The following DIS3L2 variants were observed in gnomAD, a reference collection of about 807,000 sequenced individuals.
DIS3L2 encodes the protein DIS3 like 3'-5' exoribonuclease 2, also known as DIS3-like exonuclease 2.
DIS3L2 carries 34 observed loss-of-function variants against 97.5 expected under a neutral mutation model. The ratio of observed to expected loss-of-function variants is 0.35; its 90% CI spans 0.27 to 0.46. The LOEUF (loss-of-function observed/expected upper bound fraction) is 0.46, where lower values mean the gene tolerates loss of function less well. Ranked by LOEUF, DIS3L2 falls within the 20% of genes least tolerant of loss-of-function variation. The pLI, the probability that DIS3L2 is intolerant of heterozygous loss-of-function variation, is 1.00. For missense variants in DIS3L2, 1,038 were observed against 1,146.0 expected (o/e 0.91, Z 1.36); for synonymous variants, 435 against 445.2 (o/e 0.98, Z 0.29).
intron 6 of DIS3L2, among the ~76,000 whole-genome samples, chr2:232,091,227 T>C (rs1256537712): frequency 6.6e-6 from 1 of 152,326 alleles, no homozygotes; most frequent in East Asian, 1.9e-4. Context: ...TCAGCTGTTG[T>C]GCTAGGAAAT....
intron 6 of DIS3L2, among the ~76,000 whole-genome samples, chr2:232,090,353 A>T (rs1388372748): frequency 6.6e-6 from 1 of 152,078 alleles, no homozygotes; most frequent in African/African-American, 2.4e-5. Flanking sequence ...TTACTTCCTT[A>T]GTAGCCCTGA....
intron 1 of DIS3L2, among the ~76,000 whole-genome samples, chr2:232,000,658 C>CTTTCCTTTCCTTTCCTTTCT: frequency 7.3e-6 from 1 of 137,652 alleles, no homozygotes; most frequent in Non-Finnish European, 1.6e-5. Flanking sequence ...CTTTCCTTTC[C>CTTTCCTTTCCTTTCCTTTCT]TTTCTCTTTC....
intron 12 of DIS3L2, among the ~76,000 whole-genome samples, chr2:232,251,936 A>C (rs1693429509): frequency 6.6e-6 from 1 of 152,222 alleles, no homozygotes; most frequent in African/African-American, 2.4e-5. Context: ...TGCTTCACCA[A>C]AATGAAGGAG....
intron 6 of DIS3L2, among the ~76,000 whole-genome samples, chr2:232,121,244 C>T (rs1008561911): frequency 1.3e-5 from 2 of 152,204 alleles, no homozygotes; most frequent in South Asian, 4.1e-4. Context: ...ACTACACTTT[C>T]CCTATTGAAA....
chr2:232,012,811 G>T (rs1413106778), intron 1 of DIS3L2, among the ~76,000 whole-genome samples: 1 of 152,182 alleles, frequency 6.6e-6, no homozygotes, highest in African/African-American at 2.4e-5. Flanking sequence ...GGAAGGGAAT[G>T]TTGCTTGTTC....
intron 9 of DIS3L2, among the ~76,000 whole-genome samples, chr2:232,200,798 T>C (rs1195938617): frequency 6.6e-6 from 1 of 151,012 alleles, no homozygotes; most frequent in African/African-American, 2.4e-5. Flanking sequence ...TTTTTTTTTT[T>C]TTTTGAGATG....
rs753629845 is a variant in DIS3L2, at chr2:232,336,415, G to A, written c.2497-54G>A. 1.8e-5 allele frequency: 29 copies of A among 1,570,488 alleles called. No homozygotes were observed. The Admixed American group carries it at 2.2e-4, about 12-fold the overall frequency. The stretch of plus-strand genomic sequence containing the variant: ...GCTGCAGGGATGGAGGCAGAGCTGC[G>A]CCTCGACATCAGGCCCTGCCATCCT... On this transcript the variant is annotated intron_variant, in intron 20 of 20. Coordinates refer to ENST00000325385, the MANE Select transcript of DIS3L2 (RefSeq NM_152383.5).
intron 9 of DIS3L2, 103 bp from the exon 10 acceptor site, chr2:232,210,223 C>T: frequency 1.1e-6 from 1 of 871,898 alleles, no homozygotes; most frequent in Non-Finnish European, 1.9e-6. Flanking sequence ...CTTTCCCTAA[C>T]AGAGCACATA....
chr2:232,187,939 C>G (rs1691492587), intron 9 of DIS3L2, among the ~76,000 whole-genome samples: 1 of 152,034 alleles, frequency 6.6e-6, no homozygotes. Flanking sequence ...GAGTTGGAGA[C>G]CAGCCTGGCC....
At chr2:232,330,052 C>A in intron 15 of DIS3L2, 56 bp downstream of exon 15, 1 of 1,553,200 alleles carries the variant, frequency 6.4e-7, no homozygotes, top group Admixed American at 1.8e-5. Flanking sequence ...AAGAGAAAGA[C>A]CTGGAAGGTG....
chr2:231,968,485 C>T (rs1236082587), intron 1 of DIS3L2, among the ~76,000 whole-genome samples: 2 of 152,202 alleles, frequency 1.3e-5, no homozygotes, highest in Admixed American at 6.5e-5. Context: ...ATGTAGTTAT[C>T]CTTCTTTCAC....
chr2:232,045,915 TC>T (rs1695229644), intron 5 of DIS3L2, among the ~76,000 whole-genome samples: 1 of 152,062 alleles, frequency 6.6e-6, no homozygotes, highest in South Asian at 2.1e-4. Context: ...ACTCAGGTGA[TC>T]CACCTGCCTC....
chr2:232,184,520 A>C (rs1265634180), intron 9 of DIS3L2, among the ~76,000 whole-genome samples: 1 of 152,054 alleles, frequency 6.6e-6, no homozygotes, highest in African/African-American at 2.4e-5. Context: ...GCGTGGTGGC[A>C]TGTGCCTGTA....
Position 232,130,321 on chromosome 2 carries a change from C to T in DIS3L2, c.602-298C>T, listed in dbSNP as rs73996906. ...TTTAACATCTAGTTTTTTGGAATTTCGACACACAGGCTATTTAGTTTAATT... is the reference window on the plus strand; with the variant it reads ...TTTAACATCTAGTTTTTTGGAATTTTGACACACAGGCTATTTAGTTTAATT... On this transcript the variant is annotated intron_variant, in intron 6 of 20. Transcript: ENST00000325385. 0.021 allele frequency among the ~76,000 whole-genome samples: 3,191 copies of T among 152,088 alleles called. 71 individuals carry two copies. The highest frequency in any genetic ancestry group is 0.055 in the Admixed American group (841 of 15,270).
At chr2:232,155,175 C>G (rs922662714) in intron 8 of DIS3L2, among the ~76,000 whole-genome samples, 1 of 151,648 alleles carries the variant, frequency 6.6e-6, no homozygotes, top group Non-Finnish European at 1.5e-5. Context: ...GCGTCGCTCA[C>G]GCTGGGAGCT....
chr2:232,306,805 TC>T (rs1456712516), intron 14 of DIS3L2, among the ~76,000 whole-genome samples: 10 of 152,234 alleles, frequency 6.6e-5, no homozygotes, highest in Admixed American at 2.0e-4. Flanking sequence ...AGCCCTGTGA[TC>T]CCACCCCACC....
intron 8 of DIS3L2, among the ~76,000 whole-genome samples, chr2:232,142,699 C>A (rs1448205610): frequency 6.6e-6 from 1 of 152,164 alleles, no homozygotes; most frequent in Admixed American, 6.6e-5. Context: ...TTAAGTGCTA[C>A]TTTCTGCTGT....
intron 13 of DIS3L2, among the ~76,000 whole-genome samples, chr2:232,284,850 C>T (rs1254129214): frequency 6.6e-6 from 1 of 152,162 alleles, no homozygotes; most frequent in African/African-American, 2.4e-5. Flanking sequence ...CTTTGCCAAC[C>T]TTTATCCTGA....
At chr2:232,299,971 TCA>T in intron 13 of DIS3L2, 67 bp from the exon 14 acceptor site, 2 of 1,490,970 alleles carry the variant, frequency 1.3e-6, no homozygotes, top group Admixed American at 1.7e-5. Flanking sequence ...TTTATTTTTT[TCA>T]TTTCAGCTAT....
Sources: allele counts gnomAD v4.1 joint callset (sites outside exome capture counted in the v4.1 genomes callset), GRCh38; gene constraint gnomAD v4.1.1; transcripts MANE v1.5; gene names NCBI Gene and HGNC (gene_info 2026-07-23, HGNC 2026-07-21).